Variants in BNC2 observed in about 807,000 individuals in gnomAD.
BNC2 encodes zinc finger protein basonuclin-2.
A neutral mutation model predicts 76.3 loss-of-function variants in BNC2; 20 were observed. That is an observed-to-expected ratio of 0.26 (90% CI 0.18 to 0.38). The LOEUF (loss-of-function observed/expected upper bound fraction) is 0.38, where lower values mean the gene tolerates loss of function less well. BNC2 is among the 10% of genes least tolerant of loss of function. The pLI, the probability that BNC2 is intolerant of heterozygous loss-of-function variation, is 1.00. For missense variants in BNC2, 1,382 were observed against 1,399.8 expected (o/e 0.99, Z 0.20); for synonymous variants, 582 against 514.8 (o/e 1.13, Z -1.77).
intron 1 of BNC2, among the ~76,000 whole-genome samples, chr9:16,784,308 T>G (rs2135576255): frequency 6.6e-6 from 1 of 152,266 alleles, no homozygotes. Flanking sequence ...GTGCTACTTT[T>G]TTAACTATTT....
intron 5 of BNC2, among the ~76,000 whole-genome samples, chr9:16,484,380 A>G (rs1822118423): frequency 6.6e-6 from 1 of 152,206 alleles, no homozygotes; most frequent in Non-Finnish European, 1.5e-5. Context: ...TCATTTGTCT[A>G]CAACTGTGCT....
At chr9:16,615,953 C>T (rs1820684194) in intron 3 of BNC2, among the ~76,000 whole-genome samples, 1 of 152,064 alleles carries the variant, frequency 6.6e-6, no homozygotes, top group African/African-American at 2.4e-5. Flanking sequence ...CATAGCTGGT[C>T]AATGGAAAAA....
At chr9:16,738,304 C>T in intron 2 of BNC2, 56 bp downstream of exon 2, 2 of 1,582,956 alleles carry the variant, frequency 1.3e-6, no homozygotes, top group Middle Eastern at 1.7e-4. Context: ...ACTAGGTAAT[C>T]AAAGAATGCA....
rs58322694 is a variant in BNC2, at chr9:16,486,368, G to C, written c.670-48844C>G. ...TATCATTCCTAGTTCTGTGGGACTTGATGTTCCTTCTTTATTTGGTTAAAT... is the reference window on the plus strand; with the variant it reads ...TATCATTCCTAGTTCTGTGGGACTTCATGTTCCTTCTTTATTTGGTTAAAT... On this transcript the variant is annotated intron_variant, in intron 5 of 6. Coordinates refer to ENST00000380672, the MANE Select transcript of BNC2 (RefSeq NM_017637.6). Among the ~76,000 whole-genome samples, 1,025 of 152,286 alleles carry C rather than the reference G, an allele frequency of 6.7e-3. 21 individuals are homozygous for C. Among genetic ancestry groups the C allele is most frequent in the African/African-American group, 0.023 (954 of 41,564 alleles).
chr9:16,653,065 T>C (rs559622814), intron 3 of BNC2, among the ~76,000 whole-genome samples: 1 of 152,316 alleles, frequency 6.6e-6, no homozygotes, highest in South Asian at 2.1e-4. Context: ...CAAACTAGTA[T>C]TTTTAGTTTA....
Position 16,727,954 on chromosome 9 carries a change from C to T in BNC2, c.173G>A (p.Arg58Lys). Residue 58 changes from arginine to lysine, a missense_variant, in exon 3 of 7, where the codon AGA (arginine) becomes AAA (lysine). Transcript: ENST00000380672. ...TCTTGCCCTCTTTGGCTCTCTGTCT[C>T]TCTGTGTCTCTCTTTCTCTCACATC... ...EVDVRERETQ[R>K]DREPKRARDL... 1 of 1,614,046 alleles carries T rather than the reference C, an allele frequency of 6.2e-7. No homozygotes were observed. Among genetic ancestry groups the T allele is most frequent in the Non-Finnish European group, 8.5e-7 (1 of 1,180,010 alleles).
intron 3 of BNC2, among the ~76,000 whole-genome samples, chr9:16,703,173 A>G (rs1162809052): frequency 6.6e-6 from 1 of 152,182 alleles, no homozygotes; most frequent in Admixed American, 6.5e-5. Flanking sequence ...CAACTACAAC[A>G]TCCTTTTCAC....
chr9:16,685,583 G>C (rs1402162376), intron 3 of BNC2: 1 of 1,304,140 alleles, frequency 7.7e-7, no homozygotes, highest in African/African-American at 1.5e-5. Context: ...TCCAGGTTTG[G>C]GCAGAAGTCT....
At position 16,419,113 on chromosome 9, in the gene BNC2, A is replaced by G. The variant is rs1364412936; in HGVS notation, c.3176T>C (p.Leu1059Ser). 1 of 1,614,214 alleles carries G rather than the reference A, an allele frequency of 6.2e-7. No individual in the cohort carries two copies. Among genetic ancestry groups the G allele is most frequent in the South Asian group, 1.1e-5 (1 of 91,084 alleles). Residue 1059 changes from leucine to serine, a missense_variant, in exon 7 of 7, where the codon TTG becomes TCG. This residue lies in a region of BNC2 where 798 missense variants were observed against 775.5 expected (regional missense o/e 1.03). Transcript: ENST00000380672. ...GACTTTGCACTTGTGCATTTCTCTC[A>G]AATGCACAGTTTTGTAGTGCACTCT... ...TLRVHYKTVH[L>S]REMHKCKVPG...
intron 5 of BNC2, among the ~76,000 whole-genome samples, chr9:16,471,253 T>C (rs528203564): frequency 1.9e-4 from 29 of 152,236 alleles, no homozygotes; most frequent in African/African-American, 6.7e-4. Context: ...CCAATACCTA[T>C]ACCTCCATTG....
At chr9:16,852,396 G>T (rs894319382) in intron 1 of BNC2, among the ~76,000 whole-genome samples, 3 of 152,190 alleles carry the variant, frequency 2.0e-5, no homozygotes, top group African/African-American at 7.2e-5. Flanking sequence ...AGCAGCAGAT[G>T]CCAAAGAACT....
chr9:16,504,522 A>G (rs1822585503), intron 5 of BNC2, among the ~76,000 whole-genome samples: 1 of 152,156 alleles, frequency 6.6e-6, no homozygotes. Flanking sequence ...CTCTTAAATA[A>G]AGTAGACCCT....
In BNC2 at chr9:16,793,860, G is replaced by GTT. The variant is rs377349585; in HGVS notation, c.4-55377_4-55376dup. Among the ~76,000 whole-genome samples the GTT allele has an allele frequency of 4.7e-3, 454 of 97,320 alleles. 53 individuals are homozygous for GTT. The highest frequency in any genetic ancestry group is 6.4e-3 in the Non-Finnish European group (329 of 51,736). The allele number at this position is 97,320 out of a possible 152,430, so 63.8% of individuals were successfully genotyped here. On this transcript the variant is annotated intron_variant, in intron 1 of 6. Transcript: ENST00000380672. ...CTAGTTTTTGTTTTTTGTGGTTTTTGTTTTTTTGTTTTTTTTTTTTTTTAG... is the reference window on the plus strand; with the variant it reads ...CTAGTTTTTGTTTTTTGTGGTTTTTGTTTTTTTTTGTTTTTTTTTTTTTTTAG...
At position 16,437,284 on chromosome 9, in the gene BNC2, T is replaced by C; in HGVS notation, c.910A>G (p.Ser304Gly). Reference protein sequence around the residue: ...SPSLLAHLENSNPSSIHHFEN... With the variant: ...SPSLLAHLENGNPSSIHHFEN... ...AAGTGATGAATGCTGGAAGGATTGC[T>C]GTTCTCTAAGTGAGCAAGGAGGCTG... The change falls in exon 6 of 7, where the codon AGC becomes GGC. Residue 304 changes from serine (S) to glycine (G), a missense_variant. Around this residue, in one of 3 missense-constraint regions of BNC2, gnomAD observed 557 missense variants for 540.9 expected, o/e 1.03. Transcript: ENST00000380672. The C allele has an allele frequency of 2.5e-6, 4 of 1,614,192 alleles. No individual in the cohort carries two copies. The highest frequency in any genetic ancestry group is 1.7e-6 in the Non-Finnish European group (2 of 1,180,018).
In BNC2 at chr9:16,437,527, A is replaced by G. The variant is rs557355189; in HGVS notation, c.670-3T>C. On this transcript the variant is annotated splice_polypyrimidine_tract_variant and splice_region_variant and intron_variant, in intron 5 of 6. Coordinates refer to ENST00000380672, the MANE Select transcript of BNC2 (RefSeq NM_017637.6). ...TCCAGCACCTTGCCAGCAGCATCCT[A>G]GAGGCCACATCAAAGAAACAACAAA... The G allele has an allele frequency of 6.2e-7, 1 of 1,611,474 alleles. No individual in the cohort carries two copies. The highest frequency in any genetic ancestry group is 2.2e-5 in the East Asian group (1 of 44,878).
chr9:16,822,860 TA>T (rs1194165187), intron 1 of BNC2, among the ~76,000 whole-genome samples: 8 of 152,344 alleles, frequency 5.3e-5, no homozygotes, highest in East Asian at 3.9e-4. Flanking sequence ...TAAATTTGAA[TA>T]TTTTTTTAAG....
intron 6 of BNC2, among the ~76,000 whole-genome samples, chr9:16,431,691 C>A (rs539504435): frequency 1.1e-4 from 17 of 152,222 alleles, no homozygotes; most frequent in Non-Finnish European, 2.5e-4. Context: ...CAGTCCCCAA[C>A]CTTTTTGGCA....
At chr9:16,659,369 G>GCA (rs1822032467) in intron 3 of BNC2, among the ~76,000 whole-genome samples, 1 of 152,060 alleles carries the variant, frequency 6.6e-6, no homozygotes, top group East Asian at 1.9e-4. Context: ...CAGCACTTTG[G>GCA]GGGGCCGAGG....
At chr9:16,546,998 T>C (rs1310406720) in intron 5 of BNC2, among the ~76,000 whole-genome samples, 2 of 152,246 alleles carry the variant, frequency 1.3e-5, no homozygotes, top group Non-Finnish European at 2.9e-5. Flanking sequence ...ATAAGAGACA[T>C]GTGTTATCTT....
Sources: gnomAD v4.1 joint callset for allele counts (sites outside exome capture counted in the v4.1 genomes callset) on GRCh38, gnomAD v4.1.1 for gene constraint, gnomAD v4.1.1 regional missense constraint, MANE v1.5 for transcripts, NCBI Gene and HGNC (gene_info 2026-07-23, HGNC 2026-07-21) for gene names.